IWS1: variants seen among roughly 807,000 people sequenced by gnomAD.
IWS1 encodes protein IWS1 homolog.
In IWS1, 27 loss-of-function variants were observed where a neutral mutation model predicts 86.7. The ratio of observed to expected loss-of-function variants is 0.31; its 90% CI spans 0.23 to 0.43. The LOEUF (loss-of-function observed/expected upper bound fraction) is 0.43, where lower values mean the gene tolerates loss of function less well. Ranked by LOEUF, IWS1 falls within the 20% of genes least tolerant of loss-of-function variation. IWS1 has a pLI of 1.00. For missense variants in IWS1, 827 were observed against 1,000.8 expected, an observed-to-expected ratio of 0.83 and a Z score of 2.34; for synonymous variants, 313 against 335.1, an observed-to-expected ratio of 0.93 and a Z score of 0.72.
intron 8 of IWS1, 35 bp from the exon 9 acceptor site, chr2:127,493,445 C>T: frequency 6.4e-7 from 1 of 1,569,578 alleles, no homozygotes; most frequent in East Asian, 2.3e-5. Context: ...ATTCTGTGAA[C>T]CTTGGTTCTA....
At chr2:127,525,820 G>C (rs1692374547) in intron 1 of IWS1, among the ~76,000 whole-genome samples, 1 of 152,208 alleles carries the variant, frequency 6.6e-6, no homozygotes, top group African/African-American at 2.4e-5. Flanking sequence ...GTCTAGGAAG[G>C]ATCCCCCGCC....
At chr2:127,512,619 CT>C (rs1043522531) in intron 2 of IWS1, among the ~76,000 whole-genome samples, 1 of 152,200 alleles carries the variant, frequency 6.6e-6, no homozygotes, top group African/African-American at 2.4e-5. Context: ...ACCACCACCC[CT>C]ATCGCCACCC....
chr2:127,498,346 G>A (rs1394515875), intron 5 of IWS1, 109 bp from the exon 6 acceptor site: 3 of 1,007,784 alleles, frequency 3.0e-6, no homozygotes, highest in Non-Finnish European at 4.3e-6. Context: ...AAATTCAATA[G>A]ATATCAAAAG....
chr2:127,493,956 C>T (rs1266149174), intron 8 of IWS1, among the ~76,000 whole-genome samples: 1 of 151,796 alleles, frequency 6.6e-6, no homozygotes, highest in Non-Finnish European at 1.5e-5. Flanking sequence ...GATAGTTTCC[C>T]CTGTTAGAAT....
At chr2:127,492,219 G>T in intron 9 of IWS1, 131 bp from the exon 10 acceptor site, 1 of 631,652 alleles carries the variant, frequency 1.6e-6, no homozygotes. Flanking sequence ...TACAGACATA[G>T]AACACAAAGA....
rs1336311958 is a variant in IWS1, at chr2:127,505,869, G to A, written c.151-117C>T. 16 of 679,912 alleles carry A rather than the reference G, an allele frequency of 2.4e-5. No homozygotes were observed. Among genetic ancestry groups the A allele is most frequent in the Non-Finnish European group, 3.8e-5 (16 of 423,474 alleles). The allele number at this position is 679,912 out of a possible 1,614,324, so 42.1% of individuals were successfully genotyped here. ...AATACAGGATTATGTGCACCTAAAT[G>A]GAGAATTCTTGTCCTATACCCATAT... On this transcript the variant is annotated intron_variant, in intron 2 of 13. Coordinates refer to ENST00000295321, the MANE Select transcript of IWS1 (RefSeq NM_017969.3). This position sits in a 1 kb window ranked among gnomAD's most constrained non-coding sequence, Gnocchi z 5.0.
intron 2 of IWS1, among the ~76,000 whole-genome samples, chr2:127,513,128 C>T (rs1370961971): frequency 6.6e-6 from 1 of 152,192 alleles, no homozygotes; most frequent in Non-Finnish European, 1.5e-5. Context: ...GTAGTCCCAG[C>T]TACTCAGGAT....
Position 127,494,579 on chromosome 2 carries a change from T to TA in IWS1, c.1799+292dup, listed in dbSNP as rs151207531. 1,163 of 186,460 alleles carry TA rather than the reference T, an allele frequency of 6.2e-3. 14 individuals carry two copies. Among genetic ancestry groups the TA allele is most frequent in the African/African-American group, 0.025 (1,066 of 42,666 alleles). 11.6% of individuals were successfully genotyped at this position (186,460 alleles called of 1,614,324 possible). A position where few individuals can be genotyped will look rare whatever the true frequency, so the allele number is the denominator to read the frequency against. On this transcript the variant is annotated intron_variant, in intron 8 of 13. Transcript: ENST00000295321. ...GAGTTCAAGACAAGCCTGGGCAACA[T>TA]AGCAAGATCCTGTCTTTACCAAAAA...
chr2:127,511,104 C>A (rs1337491010), intron 2 of IWS1: 2 of 152,194 alleles, frequency 1.3e-5, no homozygotes, highest in African/African-American at 4.8e-5. Context: ...TCTACCTTGT[C>A]TTTTTCGTGC....
intron 13 of IWS1, among the ~76,000 whole-genome samples, chr2:127,483,631 CGT>C (rs374712537): frequency 0.59 from 23,262 of 39,114 alleles, 8,055 homozygotes; most frequent in East Asian, 0.69. Flanking sequence ...TGTGCGTGTG[CGT>C]GTGTGTGTGT....
rs1354545695 is a variant in IWS1 at position 127,499,327 on chromosome 2, T to C, written c.1468-1090A>G. On this transcript the variant is annotated intron_variant, in intron 5 of 13. Coordinates refer to ENST00000295321, the MANE Select transcript of IWS1 (RefSeq NM_017969.3). This position sits in a 1 kb window ranked among gnomAD's most constrained non-coding sequence, Gnocchi z 4.0. Reference sequence around the variant, plus strand: ...GGATGGTCTCGATCTCCTGACCTTGTGAGCCGCCCACCTCGGCCTCCCAAA... The same window carrying C: ...GGATGGTCTCGATCTCCTGACCTTGCGAGCCGCCCACCTCGGCCTCCCAAA... Among the ~76,000 whole-genome samples the C allele has an allele frequency of 3.9e-5, 6 of 152,144 alleles. No individual in the cohort carries two copies. In the East Asian group the frequency reaches 1.2e-3, roughly 29 times the overall value.
At chr2:127,483,605 TGTGTGTGTGTGTGTGTGTGCGTGTGC>T (rs1174920730) in intron 13 of IWS1, among the ~76,000 whole-genome samples, 4 of 1,792 alleles carry the variant, frequency 2.2e-3, no homozygotes, top group Non-Finnish European at 0.015. Flanking sequence ...GGGGTTGGGC[TGTGTGTGTGTGTGTGTGTGCGTGTGC>T]GTGTGTGTGT....
Position 127,493,416 on chromosome 2 carries a change from G to T in IWS1, c.1800-6C>A, listed in dbSNP as rs768752900. 1 of 1,589,964 alleles carries T rather than the reference G, an allele frequency of 6.3e-7. No individual in the cohort carries two copies. The highest frequency in any genetic ancestry group is 8.5e-7 in the Non-Finnish European group (1 of 1,172,954). On this transcript the variant is annotated splice_polypyrimidine_tract_variant and splice_region_variant and intron_variant, in intron 8 of 13. Coordinates refer to ENST00000295321, the MANE Select transcript of IWS1 (RefSeq NM_017969.3). ...ATGTTTCTTTAAGGTCCTGCCTGCA[G>T]TAACAATAATTTTTAAAAATTCTGT...
rs552387719 is a variant in IWS1, at chr2:127,511,226, G to C, written c.151-5474C>G. ...GTGACAGTTAAGGCTGTGGAATTTAGAGTCAGAAAGACCTGAGGTCCAAGC... is the reference window on the plus strand; with the variant it reads ...GTGACAGTTAAGGCTGTGGAATTTACAGTCAGAAAGACCTGAGGTCCAAGC... On this transcript the variant is annotated intron_variant, in intron 2 of 13. Coordinates refer to ENST00000295321, the MANE Select transcript of IWS1 (RefSeq NM_017969.3). 1.3e-3 allele frequency: 192 copies of C among 152,290 alleles called. 1 individual carries two copies. The highest frequency in any genetic ancestry group is 4.3e-3 in the African/African-American group (179 of 41,548). The allele number at this position is 152,290 out of a possible 1,614,324, so 9.4% of individuals were successfully genotyped here. A position where few individuals can be genotyped will look rare whatever the true frequency, so the allele number is the denominator to read the frequency against.
At position 127,490,484 on chromosome 2, in the gene IWS1, TTCAG is replaced by T. The variant is rs147944398; in HGVS notation, c.2048-545_2048-542del. 9.0e-3 allele frequency among the ~76,000 whole-genome samples: 1,369 copies of T among 152,320 alleles called. 16 individuals are homozygous for T. The highest frequency in any genetic ancestry group is 0.031 in the African/African-American group (1,287 of 41,564). On this transcript the variant is annotated intron_variant, in intron 10 of 13. Coordinates refer to ENST00000295321, the MANE Select transcript of IWS1 (RefSeq NM_017969.3). ...CCATGAAAGAAAGTATATGCCACTG[TTCAG>T]TCAGTCAAAGTCCAGGAGCCAACTG...
intron 9 of IWS1, 98 bp downstream of exon 9, chr2:127,493,183 A>G: frequency 1.8e-6 from 2 of 1,089,476 alleles, no homozygotes; most frequent in Non-Finnish European, 2.5e-6. Context: ...AGGCTGTAGC[A>G]GAGATAACAT....
intron 1 of IWS1, among the ~76,000 whole-genome samples, chr2:127,525,734 G>C (rs1015778293): frequency 6.6e-6 from 1 of 152,220 alleles, no homozygotes; most frequent in Non-Finnish European, 1.5e-5. Flanking sequence ...CTCTATGCAT[G>C]CAACTGAAAC....
In IWS1 at chr2:127,505,251, T is replaced by C. The variant is rs1382573907; in HGVS notation, c.652A>G (p.Lys218Glu). The C allele has an allele frequency of 6.2e-7, 1 of 1,613,920 alleles. No homozygotes were observed. The highest frequency in any genetic ancestry group is 1.7e-5 in the Admixed American group (1 of 60,028). Residue 218 changes from lysine (K) to glutamate (E), a missense_variant, in exon 3 of 14, where the codon AAA (lysine) becomes GAA (glutamate). Physicochemically the swap from Lys to Glu is moderately conservative, Grantham distance 56. Coordinates refer to ENST00000295321, the MANE Select transcript of IWS1 (RefSeq NM_017969.3). This position sits in a 1 kb window ranked among gnomAD's most constrained non-coding sequence, Gnocchi z 5.0. ...MSDSESEELP[K>E]PQVSDSESEE... Reference sequence around the variant, plus strand: ...CTTTCTGAATCACTGACCTGAGGTTTAGGAAGCTCCTCACTTTCAGAATCA... The same window carrying C: ...CTTTCTGAATCACTGACCTGAGGTTCAGGAAGCTCCTCACTTTCAGAATCA...
At chr2:127,517,199 A>C (rs1366677385) in intron 2 of IWS1, among the ~76,000 whole-genome samples, 4 of 152,220 alleles carry the variant, frequency 2.6e-5, no homozygotes, top group Admixed American at 6.5e-5. Flanking sequence ...GATTCGGTGC[A>C]ATCCCCCATC....
Sources: allele counts gnomAD v4.1 joint callset (sites outside exome capture counted in the v4.1 genomes callset), GRCh38; gene constraint gnomAD v4.1.1; non-coding constraint Gnocchi (gnomAD v3.1); transcripts MANE v1.5; gene names NCBI Gene and HGNC (gene_info 2026-07-23, HGNC 2026-07-21).